Variants in PTPRG observed in about 807,000 individuals in gnomAD.
PTPRG encodes receptor-type tyrosine-protein phosphatase gamma.
Under a neutral mutation model 165.3 loss-of-function variants are expected in PTPRG, and 102 were observed. That is an observed-to-expected ratio of 0.62 (90% confidence interval 0.53 to 0.73). The LOEUF is 0.73. Among genes scored for constraint, PTPRG ranks in the 30% least tolerant of loss-of-function variants. The pLI is 0.00. For missense variants in PTPRG, 1,866 were observed against 1,861.4 expected (o/e 1.00, Z -0.05); for synonymous variants, 675 against 669.5 (o/e 1.01, Z -0.13).
At chr3:61,583,665 G>C (rs1700361080) in intron 1 of PTPRG, among the ~76,000 whole-genome samples, 2 of 151,976 alleles carry the variant, frequency 1.3e-5, no homozygotes, top group Admixed American at 1.3e-4. Flanking sequence ...ACCTTTTTGA[G>C]GGTGGTAAAA....
intron 2 of PTPRG, among the ~76,000 whole-genome samples, chr3:61,911,495 C>A (rs1006824831): frequency 2.0e-5 from 3 of 152,032 alleles, no homozygotes; most frequent in Non-Finnish European, 4.4e-5. Context: ...CATTTAATTG[C>A]ATTTTTCTTG....
intron 8 of PTPRG, among the ~76,000 whole-genome samples, chr3:62,188,967 C>T (rs1344989076): frequency 7.2e-5 from 11 of 152,044 alleles, no homozygotes; most frequent in Admixed American, 7.2e-4. Context: ...CGTGTTCTGT[C>T]TTGAAAAACT....
intron 2 of PTPRG, chr3:61,751,021 G>GA (rs1474852249): frequency 3.3e-5 from 5 of 152,116 alleles, no homozygotes; most frequent in African/African-American, 1.2e-4. Flanking sequence ...AGGCATAATG[G>GA]AAAAAATAAG....
In PTPRG at chr3:62,014,588, G is replaced by C. The variant is rs114400096; in HGVS notation, c.519+11091G>C. Among the ~76,000 whole-genome samples the C allele has an allele frequency of 7.6e-3, 1,156 of 152,172 alleles. 17 individuals are homozygous for C. Among genetic ancestry groups the C allele is most frequent in the African/African-American group, 0.026 (1,068 of 41,498 alleles). On this transcript the variant is annotated intron_variant, in intron 4 of 29. Transcript: ENST00000474889. ...TCATTTCTAAAATTCAGTATTTCAG[G>C]GAATTTTCTGAGTTCATGCCTCTGT...
At chr3:62,078,387 TA>T in intron 5 of PTPRG, 129 bp downstream of exon 5, 3 of 619,196 alleles carry the variant, frequency 4.8e-6, no homozygotes, top group Non-Finnish European at 8.3e-6. Context: ...AGATATTTCA[TA>T]TTGTCTAATG....
chr3:61,927,225 C>A (rs1429938433), intron 2 of PTPRG, among the ~76,000 whole-genome samples: 1 of 152,172 alleles, frequency 6.6e-6, no homozygotes, highest in African/African-American at 2.4e-5. Flanking sequence ...GCTATATATT[C>A]TCCACAAAAC....
intron 1 of PTPRG, among the ~76,000 whole-genome samples, chr3:61,724,003 G>A (rs1048076189): frequency 8.5e-5 from 13 of 152,168 alleles, no homozygotes; most frequent in African/African-American, 2.2e-4. Flanking sequence ...AGGCTGAGGC[G>A]GGTGGATCAC....
chr3:61,889,556 C>G (rs905399522), intron 2 of PTPRG, among the ~76,000 whole-genome samples: 1 of 152,120 alleles, frequency 6.6e-6, no homozygotes, highest in Non-Finnish European at 1.5e-5. Flanking sequence ...GTGTTATCTC[C>G]GTTAGTATTT....
intron 1 of PTPRG, among the ~76,000 whole-genome samples, chr3:61,731,995 G>A (rs1348540832): frequency 6.6e-6 from 1 of 151,696 alleles, no homozygotes. Flanking sequence ...AGAGACGGGG[G>A]AGTTCACCAT....
intron 8 of PTPRG, among the ~76,000 whole-genome samples, chr3:62,169,583 G>T (rs1394916887): frequency 2.0e-5 from 3 of 151,966 alleles, no homozygotes; most frequent in Non-Finnish European, 4.4e-5. Context: ...ATCAGAATTG[G>T]GTCACAGAGC....
chr3:61,587,564 T>C lies in PTPRG; in HGVS notation c.85+25192T>C, dbSNP rs186253192. 3.6e-3 allele frequency among the ~76,000 whole-genome samples: 542 copies of C among 152,358 alleles called. 4 individuals carry two copies. The highest frequency in any genetic ancestry group is 0.013 in the African/African-American group (528 of 41,582). On this transcript the variant is annotated intron_variant, in intron 1 of 29. Transcript: ENST00000474889. ...AAACCAACTCAGATACATTCTGTTA[T>C]GTAATTACAGACCTTATTCAAATTT...
rs375416351 is a variant in PTPRG, at chr3:62,293,135, C to T, written c.4192-26C>T. 3.3e-6 allele frequency: 5 copies of T among 1,527,660 alleles called. No homozygotes were observed. The African/African-American group carries it at 4.2e-5, about 13-fold the overall frequency. The allele number at this position is 1,527,660 out of a possible 1,614,324, so 94.6% of individuals were successfully genotyped here. A position where few individuals can be genotyped will look rare whatever the true frequency, so the allele number is the denominator to read the frequency against. ...GAAATCACTAAACTGTTCTTTGGCT[C>T]AAACTGTCTTCCTCTTGTTTTTCAG... On this transcript the variant is annotated intron_variant, in intron 29 of 29. Transcript: ENST00000474889.
intron 4 of PTPRG, among the ~76,000 whole-genome samples, chr3:62,060,343 A>G (rs996287527): frequency 6.6e-6 from 1 of 152,126 alleles, no homozygotes; most frequent in Non-Finnish European, 1.5e-5. Context: ...TTTAATGGCT[A>G]CTGGCTACTG....
intron 17 of PTPRG, 155 bp downstream of exon 17, chr3:62,263,049 T>C: frequency 1.7e-6 from 1 of 578,652 alleles, no homozygotes; most frequent in Non-Finnish European, 3.0e-6. Flanking sequence ...AGTGTAGAAG[T>C]TGGGACATTT....
chr3:61,708,443 CTTTTTTTTTTTT>C (rs61136954), intron 1 of PTPRG, among the ~76,000 whole-genome samples: 6 of 75,908 alleles, frequency 7.9e-5, no homozygotes, highest in Admixed American at 1.8e-4. Flanking sequence ...CTCTGCAAAT[CTTTTTTTTTTTT>C]TTTTTTTTTT....
At chr3:61,960,175 C>T (rs1298397635) in intron 2 of PTPRG, among the ~76,000 whole-genome samples, 3 of 151,868 alleles carry the variant, frequency 2.0e-5, no homozygotes, top group African/African-American at 4.8e-5. Context: ...ATACCTTTCT[C>T]CCCCACTGGA....
At chr3:61,699,640 G>C (rs1366993902) in intron 1 of PTPRG, among the ~76,000 whole-genome samples, 4 of 152,140 alleles carry the variant, frequency 2.6e-5, no homozygotes, top group African/African-American at 9.7e-5. Flanking sequence ...CATGTGGTAG[G>C]TGTTTATGAA....
chr3:62,044,432 A>C (rs1700223889), intron 4 of PTPRG, among the ~76,000 whole-genome samples: 1 of 152,036 alleles, frequency 6.6e-6, no homozygotes, highest in South Asian at 2.1e-4. Context: ...CCAGCTACTC[A>C]GGAGGCTGAG....
chr3:61,753,843 G>T (rs1446425154), intron 2 of PTPRG, among the ~76,000 whole-genome samples: 3 of 152,088 alleles, frequency 2.0e-5, no homozygotes, highest in Non-Finnish European at 4.4e-5. Context: ...TGATCGGCCT[G>T]TCTCGGCCTC....
Sources: gnomAD v4.1 joint callset for allele counts (sites outside exome capture counted in the v4.1 genomes callset) on GRCh38, gnomAD v4.1.1 for gene constraint, MANE v1.5 for transcripts, NCBI Gene and HGNC (gene_info 2026-07-23, HGNC 2026-07-21) for gene names.